CADM1: variants seen among roughly 807,000 people sequenced by gnomAD.
CADM1 encodes cell adhesion molecule 1.
Under a neutral mutation model 53.1 loss-of-function variants are expected in CADM1, and 15 were observed. That is an observed-to-expected ratio of 0.28 (90% CI 0.19 to 0.44). The LOEUF is 0.44. Among genes scored for constraint, CADM1 ranks in the 20% least tolerant of loss-of-function variants. CADM1 has a pLI of 1.00. For synonymous variants in CADM1, 281 were observed against 243.0 expected, an observed-to-expected ratio of 1.16 and a Z score of -1.45; for missense variants, 434 against 611.3, an observed-to-expected ratio of 0.71 and a Z score of 3.06.
chr11:115,271,266 GTTGTTGTTGTT>G (rs986713240), intron 1 of CADM1, among the ~76,000 whole-genome samples: 3 of 151,884 alleles, frequency 2.0e-5, no homozygotes, highest in African/African-American at 7.2e-5. Context: ...AGTTTATGTT[GTTGTTGTTGTT>G]TTGTTGTTGT....
intron 1 of CADM1, among the ~76,000 whole-genome samples, chr11:115,484,920 C>T (rs1653370024): frequency 6.6e-6 from 1 of 150,608 alleles, no homozygotes; most frequent in African/African-American, 2.4e-5. Flanking sequence ...GCACTCCAGC[C>T]TGGGCAACAG....
At chr11:115,313,161 G>A (rs1944574614) in intron 1 of CADM1, among the ~76,000 whole-genome samples, 1 of 152,142 alleles carries the variant, frequency 6.6e-6, no homozygotes, top group South Asian at 2.1e-4. Flanking sequence ...AATAATATTT[G>A]CAGACAACAG....
chr11:115,418,891 C>T (rs745413964), intron 1 of CADM1, among the ~76,000 whole-genome samples: 1 of 152,104 alleles, frequency 6.6e-6, no homozygotes, highest in Non-Finnish European at 1.5e-5. Context: ...TATATAACAT[C>T]ATAGTCTACT....
intron 1 of CADM1, among the ~76,000 whole-genome samples, chr11:115,421,666 C>T (rs1057100397): frequency 1.3e-5 from 2 of 152,142 alleles, no homozygotes; most frequent in Admixed American, 6.5e-5. Context: ...AATAAAAGTT[C>T]AGTTTCTAGA....
chr11:115,410,554 T>C (rs1410257555), intron 1 of CADM1, among the ~76,000 whole-genome samples: 1 of 152,056 alleles, frequency 6.6e-6, no homozygotes, highest in Non-Finnish European at 1.5e-5. Flanking sequence ...ATTATGTCTG[T>C]TTACAGAGCT....
intron 1 of CADM1, among the ~76,000 whole-genome samples, chr11:115,332,155 A>C (rs532672801): frequency 6.6e-6 from 1 of 152,320 alleles, no homozygotes; most frequent in African/African-American, 2.4e-5. Flanking sequence ...TGAGTACGGA[A>C]GCAGGGATTC....
chr11:115,416,953 A>G (rs944758077), intron 1 of CADM1, among the ~76,000 whole-genome samples: 9 of 152,220 alleles, frequency 5.9e-5, no homozygotes, highest in Non-Finnish European at 7.3e-5. Flanking sequence ...CAATACAGTA[A>G]AAGCATTTTC....
chr11:115,307,111 T>C (rs148914705), intron 1 of CADM1, among the ~76,000 whole-genome samples: 1 of 152,006 alleles, frequency 6.6e-6, no homozygotes, highest in African/African-American at 2.4e-5. Flanking sequence ...ATTTATAACA[T>C]ATATTTAAAT....
At position 115,243,737 on chromosome 11, in the gene CADM1, C is replaced by T. The variant is rs575892193; in HGVS notation, c.125-3317G>A. On this transcript the variant is annotated intron_variant, in intron 1 of 11. Coordinates refer to ENST00000331581, the MANE Select transcript of CADM1 (RefSeq NM_001301043.2). Reference sequence around the variant, plus strand: ...TCATGACAATTAGGTAGCTACAAAACACAATTTGATGTGTAGCAGAAGGGT... The same window carrying T: ...TCATGACAATTAGGTAGCTACAAAATACAATTTGATGTGTAGCAGAAGGGT... Among the ~76,000 whole-genome samples, 7 of 152,296 alleles carry T rather than the reference C, an allele frequency of 4.6e-5. No homozygotes were observed. The South Asian group carries it at 1.0e-3, about 23-fold the overall frequency.
intron 1 of CADM1, among the ~76,000 whole-genome samples, chr11:115,497,291 T>C (rs1414018585): frequency 6.6e-6 from 1 of 152,204 alleles, no homozygotes; most frequent in Non-Finnish European, 1.5e-5. Flanking sequence ...CAAATGCCTG[T>C]ATTCCAGTAA....
At chr11:115,203,982 C>T (rs1940559550) in intron 8 of CADM1, among the ~76,000 whole-genome samples, 1 of 152,040 alleles carries the variant, frequency 6.6e-6, no homozygotes, top group Non-Finnish European at 1.5e-5. Flanking sequence ...ACTAGTGCCC[C>T]CAAAATATTC....
At chr11:115,497,369 C>T (rs1236501648) in intron 1 of CADM1, among the ~76,000 whole-genome samples, 5 of 152,222 alleles carry the variant, frequency 3.3e-5, no homozygotes, top group Non-Finnish European at 7.3e-5. Context: ...ATTCAAGACA[C>T]CTGTCAGTCA....
At chr11:115,199,079 G>A (rs538891730) in intron 8 of CADM1, among the ~76,000 whole-genome samples, 1 of 152,230 alleles carries the variant, frequency 6.6e-6, no homozygotes, top group East Asian at 1.9e-4. Context: ...ACATGTTCAA[G>A]GTTTTCACAG....
intron 1 of CADM1, among the ~76,000 whole-genome samples, chr11:115,334,022 A>G (rs1468858523): frequency 6.6e-6 from 1 of 152,172 alleles, no homozygotes; most frequent in African/African-American, 2.4e-5. Context: ...ATAAATGTTC[A>G]TTATGCATGA....
intron 4 of CADM1, 101 bp downstream of exon 4, chr11:115,231,251 CT>C: frequency 7.7e-7 from 1 of 1,290,536 alleles, no homozygotes; most frequent in South Asian, 1.2e-5. Flanking sequence ...TAAATGAATA[CT>C]TTTGTTTCAT....
intron 1 of CADM1, among the ~76,000 whole-genome samples, chr11:115,405,071 C>CA (rs1359533871): frequency 6.6e-6 from 1 of 152,066 alleles, no homozygotes; most frequent in Non-Finnish European, 1.5e-5. Context: ...GCAATCCTCT[C>CA]ACCTCAGTCT....
chr11:115,199,634 T>C (rs1940326755), intron 8 of CADM1, among the ~76,000 whole-genome samples: 1 of 152,218 alleles, frequency 6.6e-6, no homozygotes, highest in South Asian at 2.1e-4. Flanking sequence ...ACTCTTCTAG[T>C]CAACCTCATT....
At chr11:115,416,948 C>T (rs1016438766) in intron 1 of CADM1, among the ~76,000 whole-genome samples, 4 of 152,088 alleles carry the variant, frequency 2.6e-5, no homozygotes, top group Non-Finnish European at 5.9e-5. Context: ...TAAACCAATA[C>T]AGTAAAAGCA....
At chr11:115,323,700 T>G (rs1213407150) in intron 1 of CADM1, among the ~76,000 whole-genome samples, 3 of 152,078 alleles carry the variant, frequency 2.0e-5, no homozygotes, top group African/African-American at 7.2e-5. Context: ...GACTTAGTAG[T>G]AGAGAGGTGT....
Sources: gnomAD v4.1 joint callset for allele counts (sites outside exome capture counted in the v4.1 genomes callset) on GRCh38, gnomAD v4.1.1 for gene constraint, MANE v1.5 for transcripts, NCBI Gene and HGNC (gene_info 2026-07-23, HGNC 2026-07-21) for gene names.